Variants in B3GALT1 observed in about 807,000 individuals in gnomAD.
The protein encoded by B3GALT1 is beta-1,3-galactosyltransferase 1, also known as UDP-Gal:betaGlcNAc beta 1,3-galactosyltransferase, polypeptide 1.
B3GALT1 carries 10 observed loss-of-function variants against 23.2 expected under a neutral mutation model. That is an observed-to-expected ratio of 0.43 (90% CI 0.27 to 0.73). The LOEUF is 0.73. Ranked by LOEUF, B3GALT1 falls within the 30% of genes least tolerant of loss-of-function variation. B3GALT1 has a pLI of 0.21. For synonymous variants in B3GALT1, 156 were observed against 141.5 expected (o/e 1.10, Z -0.73); for missense variants, 299 against 405.4 (o/e 0.74, Z 2.25).
At chr2:167,605,618 T>C (rs1684950280) in intron 2 of B3GALT1, among the ~76,000 whole-genome samples, 1 of 152,226 alleles carries the variant, frequency 6.6e-6, no homozygotes, top group Non-Finnish European at 1.5e-5. Flanking sequence ...TGTTAAGGCC[T>C]AGCCTTGGAA....
At chr2:167,303,252 A>G (rs1354193164) in intron 1 of B3GALT1, among the ~76,000 whole-genome samples, 2 of 152,242 alleles carry the variant, frequency 1.3e-5, no homozygotes, top group East Asian at 3.9e-4. Context: ...TATGTGTTTA[A>G]TTTTATAATA....
At chr2:167,367,932 A>G (rs926422868) in intron 1 of B3GALT1, among the ~76,000 whole-genome samples, 1 of 152,194 alleles carries the variant, frequency 6.6e-6, no homozygotes, top group African/African-American at 2.4e-5. Context: ...CTTCAAAAGC[A>G]AGAGTTTTCC....
intron 2 of B3GALT1, among the ~76,000 whole-genome samples, chr2:167,590,140 A>G (rs1684653713): frequency 6.6e-6 from 1 of 151,980 alleles, no homozygotes; most frequent in African/African-American, 2.4e-5. Context: ...AGGTCAGGAG[A>G]TCGAGACCAT....
At position 167,664,556 on chromosome 2, in the gene B3GALT1, A is replaced by G. The variant is rs1036347242; in HGVS notation, c.-352+17590A>G. 1.4e-4 allele frequency among the ~76,000 whole-genome samples: 21 copies of G among 148,484 alleles called. No individual in the cohort carries two copies. The South Asian group carries it at 3.6e-3, about 26-fold the overall frequency. ...GAATCTGTGAATTACCTTGGGCAGT[A>G]TGACCATTTTCACGATATTGATTCT... On this transcript the variant is annotated intron_variant, in intron 3 of 4. Coordinates refer to ENST00000392690, the MANE Select transcript of B3GALT1 (RefSeq NM_020981.4).
intron 1 of B3GALT1, among the ~76,000 whole-genome samples, chr2:167,359,283 A>C (rs771802562): frequency 2.6e-5 from 4 of 152,110 alleles, no homozygotes; most frequent in Non-Finnish European, 5.9e-5. Flanking sequence ...AGAATATATC[A>C]AGGCACATCC....
intron 1 of B3GALT1, among the ~76,000 whole-genome samples, chr2:167,340,648 A>G (rs1472538573): frequency 6.6e-6 from 1 of 152,206 alleles, no homozygotes; most frequent in African/African-American, 2.4e-5. Flanking sequence ...AACTCTTTTC[A>G]TGGCTCCTTT....
chr2:167,497,585 AT>A (rs1040693618), intron 2 of B3GALT1, among the ~76,000 whole-genome samples: 26 of 152,140 alleles, frequency 1.7e-4, no homozygotes, highest in African/African-American at 6.3e-4. Context: ...AAGAAGAGTT[AT>A]TAAGGAGTCA....
intron 1 of B3GALT1, among the ~76,000 whole-genome samples, chr2:167,388,547 C>T (rs886131280): frequency 8.5e-5 from 13 of 152,068 alleles, no homozygotes; most frequent in African/African-American, 3.1e-4. Context: ...AGAGTGAAAA[C>T]ACCTGAGGGT....
chr2:167,738,627 A>G (rs1687528081), intron 3 of B3GALT1, among the ~76,000 whole-genome samples: 1 of 152,212 alleles, frequency 6.6e-6, no homozygotes, highest in African/African-American at 2.4e-5. Flanking sequence ...ATACACAAAC[A>G]AACAAAAAAA....
intron 4 of B3GALT1, among the ~76,000 whole-genome samples, chr2:167,846,099 G>A (rs551786793): frequency 2.0e-5 from 3 of 152,054 alleles, no homozygotes; most frequent in East Asian, 3.9e-4. Context: ...AGAAGTCTGG[G>A]ATTATGTTAA....
At chr2:167,735,390 C>T (rs1260326119) in intron 3 of B3GALT1, among the ~76,000 whole-genome samples, 6 of 152,228 alleles carry the variant, frequency 3.9e-5, no homozygotes, top group Non-Finnish European at 8.8e-5. Context: ...TTAGAGACCT[C>T]CTGCTTCTAC....
At chr2:167,566,430 A>T (rs1357876581) in intron 2 of B3GALT1, among the ~76,000 whole-genome samples, 1 of 152,124 alleles carries the variant, frequency 6.6e-6, no homozygotes, top group East Asian at 1.9e-4. Context: ...GCAGCACACC[A>T]TCATGACACA....
chr2:167,825,408 A>G (rs1319931929), intron 4 of B3GALT1, among the ~76,000 whole-genome samples: 1 of 150,152 alleles, frequency 6.7e-6, no homozygotes, highest in Non-Finnish European at 1.5e-5. Context: ...GGCTCTCCAG[A>G]GAGAAAGAAC....
chr2:167,793,889 C>G (rs1283213539), intron 3 of B3GALT1, among the ~76,000 whole-genome samples: 1 of 152,208 alleles, frequency 6.6e-6, no homozygotes, highest in Non-Finnish European at 1.5e-5. Context: ...CAAAGACTCT[C>G]CCTTCATGCC....
intron 4 of B3GALT1, among the ~76,000 whole-genome samples, chr2:167,831,246 C>A (rs1689346185): frequency 6.6e-6 from 1 of 152,164 alleles, no homozygotes; most frequent in Admixed American, 6.5e-5. Context: ...TTCAGCGCTC[C>A]CACAGTTAGT....
chr2:167,347,854 A>C lies in B3GALT1; in HGVS notation c.-511+54520A>C, dbSNP rs563896704. 4.8e-4 allele frequency among the ~76,000 whole-genome samples: 73 copies of C among 152,332 alleles called. 1 individual carries two copies. The highest frequency in any genetic ancestry group is 7.9e-4 in the Non-Finnish European group (54 of 67,994). ...CTTACTTTTTAACCTGGAAGAGTTG[A>C]ACTGTTGTCTGAAAAACCCAAATGT... On this transcript the variant is annotated intron_variant, in intron 1 of 4. Transcript: ENST00000392690.
intron 1 of B3GALT1, among the ~76,000 whole-genome samples, chr2:167,358,958 C>G (rs910807569): frequency 6.6e-6 from 1 of 152,086 alleles, no homozygotes; most frequent in Non-Finnish European, 1.5e-5. Context: ...TGCACCACCA[C>G]GCCTGGCTAA....
intron 1 of B3GALT1, among the ~76,000 whole-genome samples, chr2:167,344,694 G>A (rs556340898): frequency 4.6e-5 from 7 of 152,300 alleles, no homozygotes; most frequent in Non-Finnish European, 7.4e-5. Context: ...TGTGGCAAGC[G>A]TGAGGAAAGC....
chr2:167,326,782 C>A (rs988793282), intron 1 of B3GALT1, among the ~76,000 whole-genome samples: 2 of 152,010 alleles, frequency 1.3e-5, no homozygotes, highest in African/African-American at 4.8e-5. Context: ...CTCCGCCTCC[C>A]GGGTTCAAGC....
Sources: gnomAD v4.1 joint callset for allele counts (sites outside exome capture counted in the v4.1 genomes callset) on GRCh38, gnomAD v4.1.1 for gene constraint, MANE v1.5 for transcripts, NCBI Gene and HGNC (gene_info 2026-07-23, HGNC 2026-07-21) for gene names.